Variants in ANO3 observed in about 807,000 individuals in gnomAD.
ANO3 encodes anoctamin 3.
Under a neutral mutation model 144.8 loss-of-function variants are expected in ANO3, and 99 were observed. The observed-to-expected ratio is 0.68, with a 90% CI of 0.58 to 0.81. The LOEUF (loss-of-function observed/expected upper bound fraction) is 0.81. ANO3 is among the 30% of genes least tolerant of loss of function. The pLI, the probability that ANO3 is intolerant of heterozygous loss-of-function variation, is 0.00. For missense variants in ANO3, 905 were observed against 1,202.2 expected (o/e 0.75, Z 3.66); for synonymous variants, 414 against 392.6 (o/e 1.05, Z -0.64).
At position 26,511,355 on chromosome 11, in the gene ANO3, C is replaced by T. The variant is rs113958511; in HGVS notation, c.591+3093C>T. Reference sequence around the variant, plus strand: ...CCATAGAAGCCTTATGAAATTTTACCCAAACCTCTGTAAAAACTCTGCCTA... The same window carrying T: ...CCATAGAAGCCTTATGAAATTTTACTCAAACCTCTGTAAAAACTCTGCCTA... On this transcript the variant is annotated intron_variant, in intron 5 of 26. Transcript: ENST00000256737. 4.5e-3 allele frequency among the ~76,000 whole-genome samples: 677 copies of T among 152,096 alleles called. 1 individual carries two copies. Among genetic ancestry groups the T allele is most frequent in the African/African-American group, 0.016 (646 of 41,482 alleles).
At chr11:26,253,158 T>C (rs1313195535) in intron 1 of ANO3, among the ~76,000 whole-genome samples, 2 of 152,142 alleles carry the variant, frequency 1.3e-5, no homozygotes, top group East Asian at 3.9e-4. Flanking sequence ...ACAGCACTTC[T>C]CTACACACAA....
intron 7 of ANO3, among the ~76,000 whole-genome samples, chr11:26,527,682 C>T (rs1849200103): frequency 6.6e-6 from 1 of 152,106 alleles, no homozygotes; most frequent in South Asian, 2.1e-4. Flanking sequence ...AAATAATGTA[C>T]AGGCAGTTGT....
chr11:26,205,711 C>T (rs1242178885), intron 1 of ANO3, among the ~76,000 whole-genome samples: 5 of 152,124 alleles, frequency 3.3e-5, no homozygotes, highest in Admixed American at 1.3e-4. Flanking sequence ...CAATCATCCT[C>T]ATAAACGGTA....
chr11:26,202,348 T>G (rs928454459), intron 1 of ANO3, among the ~76,000 whole-genome samples: 1 of 146,570 alleles, frequency 6.8e-6, no homozygotes, highest in Non-Finnish European at 1.5e-5. Context: ...ATATAGATTA[T>G]TATATATATT....
At chr11:26,374,790 C>A (rs1284006786) in intron 1 of ANO3, among the ~76,000 whole-genome samples, 1 of 152,228 alleles carries the variant, frequency 6.6e-6, no homozygotes, top group Non-Finnish European at 1.5e-5. Context: ...GTCACCCAGG[C>A]TGGAGTGCAG....
chr11:26,523,198 A>C (rs1333334989), intron 6 of ANO3, among the ~76,000 whole-genome samples: 1 of 152,124 alleles, frequency 6.6e-6, no homozygotes, highest in Non-Finnish European at 1.5e-5. Flanking sequence ...GCTTGGGGGA[A>C]ACCGCTCCCA....
At chr11:26,241,068 T>G (rs1193967336) in intron 1 of ANO3, among the ~76,000 whole-genome samples, 3 of 152,140 alleles carry the variant, frequency 2.0e-5, no homozygotes, top group Non-Finnish European at 4.4e-5. Flanking sequence ...GTTCTCGTGA[T>G]AGTGAATAAG....
chr11:26,474,213 A>T, intron 4 of ANO3: 1 of 496,188 alleles, frequency 2.0e-6, no homozygotes, highest in Non-Finnish European at 2.6e-6. Flanking sequence ...ATTGAGAGAA[A>T]TTAATATTGA....
intron 1 of ANO3, among the ~76,000 whole-genome samples, chr11:26,344,708 T>C (rs1855456128): frequency 6.6e-6 from 1 of 152,134 alleles, no homozygotes. Context: ...TAATTTCTCC[T>C]TTGGGCCACT....
At chr11:26,613,265 T>C (rs1852153317) in intron 17 of ANO3, among the ~76,000 whole-genome samples, 2 of 152,190 alleles carry the variant, frequency 1.3e-5, no homozygotes, top group Admixed American at 1.3e-4. Context: ...TTTGATTTGG[T>C]CTGTTGTTGG....
chr11:26,626,370 A>G (rs754387622), intron 18 of ANO3, among the ~76,000 whole-genome samples: 6 of 152,210 alleles, frequency 3.9e-5, no homozygotes, highest in South Asian at 4.1e-4. Flanking sequence ...ACAACAATGC[A>G]GATCTGATGG....
chr11:26,584,155 G>T (rs1366865826), intron 14 of ANO3, among the ~76,000 whole-genome samples: 10 of 149,482 alleles, frequency 6.7e-5, no homozygotes, highest in Admixed American at 1.3e-4. Context: ...TTTTTTGTTT[G>T]TTTGTTTGTT....
chr11:26,340,027 T>G (rs10834964), intron 1 of ANO3, among the ~76,000 whole-genome samples: 54,523 of 152,074 alleles, frequency 0.36, 9,994 homozygotes, highest in Non-Finnish European at 0.37. Flanking sequence ...GGAGAGAGGT[T>G]CCTTGAGGGT....
intron 4 of ANO3, among the ~76,000 whole-genome samples, chr11:26,476,744 A>G (rs534358010): frequency 1.2e-4 from 18 of 152,220 alleles, no homozygotes; most frequent in African/African-American, 3.9e-4. Context: ...TGAATATATC[A>G]GACAGTTTCC....
intron 1 of ANO3, among the ~76,000 whole-genome samples, chr11:26,406,449 CACT>C (rs756843118): frequency 6.6e-6 from 1 of 151,840 alleles, no homozygotes; most frequent in Non-Finnish European, 1.5e-5. Context: ...TTAACAATTT[CACT>C]GGGAACTCCA....
chr11:26,398,060 T>C (rs1488605683), intron 1 of ANO3, among the ~76,000 whole-genome samples: 4 of 152,038 alleles, frequency 2.6e-5, no homozygotes, highest in Non-Finnish European at 4.4e-5. Context: ...AGGACTGTAT[T>C]GCATATGAAA....
chr11:26,511,173 C>T (rs1861649519), intron 5 of ANO3, among the ~76,000 whole-genome samples: 1 of 152,188 alleles, frequency 6.6e-6, no homozygotes, highest in Admixed American at 6.5e-5. Context: ...GTGTTGAACA[C>T]AAGTTACCAG....
chr11:26,247,867 T>C (rs1394513358), intron 1 of ANO3, among the ~76,000 whole-genome samples: 1 of 151,368 alleles, frequency 6.6e-6, no homozygotes, highest in Non-Finnish European at 1.5e-5. Flanking sequence ...GTAGCTGAGA[T>C]TACAGGTGCC....
chr11:26,304,650 A>G (rs1160721556), upstream of ANO3, among the ~76,000 whole-genome samples: 2 of 152,150 alleles, frequency 1.3e-5, no homozygotes, highest in East Asian at 3.9e-4. Context: ...ATTTCACCAT[A>G]TCAGTACATA....
Sources: allele counts gnomAD v4.1 joint callset (sites outside exome capture counted in the v4.1 genomes callset), GRCh38; gene constraint gnomAD v4.1.1; transcripts MANE v1.5; gene names NCBI Gene and HGNC (gene_info 2026-07-23, HGNC 2026-07-21).